The following PRPSAP1 variants were observed in gnomAD, a reference collection of about 807,000 sequenced individuals.
The protein encoded by PRPSAP1 is phosphoribosyl pyrophosphate synthetase associated protein 1.
PRPSAP1 carries 31 observed loss-of-function variants against 39.4 expected under a neutral mutation model. The ratio of observed to expected loss-of-function variants is 0.79; its 90% CI spans 0.59 to 1.06. The LOEUF is 1.06. Ranked by LOEUF, PRPSAP1 falls within the 50% of genes least tolerant of loss-of-function variation. The pLI, the probability that PRPSAP1 is intolerant of heterozygous loss-of-function variation, is 0.00. For missense variants in PRPSAP1, 430 were observed against 511.6 expected (o/e 0.84, Z 1.54); for synonymous variants, 212 against 192.6 (o/e 1.10, Z -0.83).
At chr17:76,332,137 C>A (rs116071644) in intron 4 of PRPSAP1, 126 bp downstream of exon 4, 14 of 1,224,036 alleles carry the variant, frequency 1.1e-5, no homozygotes, top group African/African-American at 3.0e-5. Flanking sequence ...TATCCTTAGC[C>A]AAAACTGTTC....
intron 9 of PRPSAP1, 105 bp from the exon 10 acceptor site, chr17:76,311,805 C>A: frequency 7.7e-7 from 1 of 1,302,254 alleles, no homozygotes; most frequent in Non-Finnish European, 1.0e-6. Context: ...GCCTAAGTTC[C>A]AAACTACAAA....
At chr17:76,313,732 C>T in intron 8 of PRPSAP1, 89 bp downstream of exon 8, 8 of 1,401,592 alleles carry the variant, frequency 5.7e-6, no homozygotes, top group East Asian at 4.7e-5. Context: ...TTCGGATCAT[C>T]GTTCCTAGAA....
Position 76,328,616 on chromosome 17 carries a change from AAAC to A in PRPSAP1, c.781+98_781+100del. The A allele has an allele frequency of 2.1e-6, 3 of 1,458,756 alleles. No homozygotes were observed. In the South Asian group the frequency reaches 3.8e-5, roughly 18 times the overall value. 90.4% of individuals were successfully genotyped at this position (1,458,756 alleles called of 1,614,324 possible). A position where few individuals can be genotyped will look rare whatever the true frequency, so the allele number is the denominator to read the frequency against. On this transcript the variant is annotated intron_variant, in intron 7 of 9. Transcript: ENST00000446526. ...AGAGTGAGACTCCATCTCAAAAACA[AAAC>A]AAAACAAAACAAAACAACAACAACA... is the stretch of plus-strand genomic sequence containing the variant.
chr17:76,344,680 G>C lies in PRPSAP1; in HGVS notation c.281C>G (p.Thr94Arg), dbSNP rs1363574785. ...TAGTCAGTCCTCTTACCTGGGTATTGTCTGTATAATGAAAATATCTTGGCC... is the reference window on the plus strand; with the variant it reads ...TAGTCAGTCCTCTTACCTGGGTATTCTCTGTATAATGAAAATATCTTGGCC... ...VRGQDIFIIQ[T>R]IPRDVNTAVM... The change falls in exon 3 of 10, where the codon ACA (threonine) becomes AGA (arginine). Residue 94 changes from threonine (T) to arginine (R), a missense_variant. Coordinates refer to ENST00000446526, the MANE Select transcript of PRPSAP1 (RefSeq NM_002766.3). 6.4e-7 allele frequency: 1 copy of C among 1,570,596 alleles called. No homozygotes were observed. The highest frequency in any genetic ancestry group is 8.7e-7 in the Non-Finnish European group (1 of 1,150,240).
chr17:76,322,680 A>G lies in PRPSAP1; in HGVS notation c.781+6037T>C, dbSNP rs568359681. Among the ~76,000 whole-genome samples, 5 of 152,128 alleles carry G rather than the reference A, an allele frequency of 3.3e-5. No individual in the cohort carries two copies. In the South Asian group the frequency reaches 6.2e-4, roughly 19 times the overall value. On this transcript the variant is annotated intron_variant, in intron 7 of 9. Transcript: ENST00000446526. ...ACAAGACAAGACCCTGTCTCTACTA[A>G]AAATTTCTAAAAATTAGCTGGGTGC...
chr17:76,315,458 G>C (rs2071112483), intron 7 of PRPSAP1, among the ~76,000 whole-genome samples: 1 of 152,038 alleles, frequency 6.6e-6, no homozygotes, highest in Non-Finnish European at 1.5e-5. Context: ...TCTGTATACT[G>C]GCAAATCAGT....
chr17:76,352,644 C>CAAAAAAAAAA (rs55986677), intron 1 of PRPSAP1, among the ~76,000 whole-genome samples: 3 of 53,560 alleles, frequency 5.6e-5, no homozygotes, highest in Non-Finnish European at 7.8e-5. Flanking sequence ...GACTCCGTCT[C>CAAAAAAAAAA]AAAAAAAAAA....
rs910648196 is a variant in PRPSAP1, at chr17:76,353,848, A to C, written c.-145T>G. The C allele has an allele frequency of 7.3e-7, 1 of 1,362,924 alleles. No homozygotes were observed. The highest frequency in any genetic ancestry group is 9.4e-7 in the Non-Finnish European group (1 of 1,065,124). The allele number at this position is 1,362,924 out of a possible 1,614,324, so 84.4% of individuals were successfully genotyped here. On this transcript the variant is annotated 5_prime_UTR_variant, in exon 1 of 10. Transcript: ENST00000446526. ...AGCTCCGAGGTCCGTGCCCTTGCGC[A>C]CCCCACACCACTGACTACAGCGGCC...
chr17:76,341,747 G>A (rs974801043), intron 3 of PRPSAP1, among the ~76,000 whole-genome samples: 3 of 152,146 alleles, frequency 2.0e-5, no homozygotes, highest in African/African-American at 7.2e-5. Flanking sequence ...AGACCATCCT[G>A]GCTAACATGG....
Position 76,309,725 on chromosome 17 carries a change from G to A in PRPSAP1, c.*1817C>T, listed in dbSNP as rs2071049401. 6.6e-6 allele frequency: 1 copy of A among 152,236 alleles called. No homozygotes were observed. Among genetic ancestry groups the A allele is most frequent in the Non-Finnish European group, 1.5e-5 (1 of 68,052 alleles). The allele number at this position is 152,236 out of a possible 1,614,324, so 9.4% of individuals were successfully genotyped here. On this transcript the variant is annotated 3_prime_UTR_variant, in exon 10 of 10. Coordinates refer to ENST00000446526, the MANE Select transcript of PRPSAP1 (RefSeq NM_002766.3). Reference sequence around the variant, plus strand: ...GTAGGTATTACAAGTCATCCAGGATGTGCATAGCTTATATGCAGATACTAC... The same window carrying A: ...GTAGGTATTACAAGTCATCCAGGATATGCATAGCTTATATGCAGATACTAC...
chr17:76,318,710 G>A (rs2071152667), intron 7 of PRPSAP1, among the ~76,000 whole-genome samples: 1 of 152,114 alleles, frequency 6.6e-6, no homozygotes, highest in Admixed American at 6.5e-5. Context: ...GTCACAGAAA[G>A]CAATGTGATG....
intron 3 of PRPSAP1, among the ~76,000 whole-genome samples, chr17:76,343,564 G>C (rs2071462972): frequency 6.6e-6 from 1 of 152,218 alleles, no homozygotes; most frequent in Non-Finnish European, 1.5e-5. Flanking sequence ...TTGGGGAGTG[G>C]TGGCTCACGC....
chr17:76,341,438 C>T (rs1458672840), intron 3 of PRPSAP1, among the ~76,000 whole-genome samples: 1 of 152,032 alleles, frequency 6.6e-6, no homozygotes, highest in African/African-American at 2.4e-5. Flanking sequence ...TGGAGTCTCA[C>T]TATGTTGCCC....
rs868499720 is a variant in PRPSAP1, at chr17:76,339,835, T to C, written c.290+4836A>G. Among the ~76,000 whole-genome samples, 7 of 151,864 alleles carry C rather than the reference T, an allele frequency of 4.6e-5. No individual in the cohort carries two copies. In the South Asian group the frequency reaches 6.2e-4, roughly 13 times the overall value. On this transcript the variant is annotated intron_variant, in intron 3 of 9. Transcript: ENST00000446526. The stretch of plus-strand genomic sequence containing the variant: ...TTCTTCCTTTGGCCAAAATTTCTTT[T>C]TTCTTTTAAATAAAAGCTGGGCACA...
intron 7 of PRPSAP1, chr17:76,314,751 C>G (rs1249996336): frequency 6.6e-6 from 1 of 152,280 alleles, no homozygotes; most frequent in Non-Finnish European, 1.5e-5. Context: ...CGGGCCGTGT[C>G]TCATGAGCTC....
At chr17:76,349,780 A>T (rs956968024) in intron 1 of PRPSAP1, among the ~76,000 whole-genome samples, 2 of 152,060 alleles carry the variant, frequency 1.3e-5, no homozygotes, top group East Asian at 3.9e-4. Flanking sequence ...ATAATAAAAA[A>T]AATAAAATTA....
At chr17:76,347,708 T>C (rs891256934) in intron 2 of PRPSAP1, among the ~76,000 whole-genome samples, 2 of 152,002 alleles carry the variant, frequency 1.3e-5, no homozygotes, top group Admixed American at 1.3e-4. Context: ...TGCTGGCTAC[T>C]GTGTGAAGAA....
In PRPSAP1 at chr17:76,309,862, A is replaced by G. The variant is rs2071050897; in HGVS notation, c.*1680T>C. 1 of 152,234 alleles carries G rather than the reference A, an allele frequency of 6.6e-6. No homozygotes were observed. Among genetic ancestry groups the G allele is most frequent in the South Asian group, 2.1e-4 (1 of 4,838 alleles). 9.4% of individuals were successfully genotyped at this position (152,234 alleles called of 1,614,324 possible). ...ACTATTTTAACTACTGTTCAAGTTC[A>G]GATTTTTCACTTCAGCCTGAGAGGT... On this transcript the variant is annotated 3_prime_UTR_variant, in exon 10 of 10. Coordinates refer to ENST00000446526, the MANE Select transcript of PRPSAP1 (RefSeq NM_002766.3).
At chr17:76,313,693 G>C in intron 8 of PRPSAP1, 128 bp downstream of exon 8, 1 of 1,019,072 alleles carries the variant, frequency 9.8e-7, no homozygotes, top group East Asian at 2.6e-5. Context: ...GCACAAGGGA[G>C]TTTGGGTGAG....
Sources: allele counts gnomAD v4.1 joint callset (sites outside exome capture counted in the v4.1 genomes callset), GRCh38; gene constraint gnomAD v4.1.1; transcripts MANE v1.5; gene names NCBI Gene and HGNC (gene_info 2026-07-23, HGNC 2026-07-21).